Variants in MAP3K21 observed in about 807,000 individuals in gnomAD.
MAP3K21 encodes the protein mitogen-activated protein kinase kinase kinase MLK4.
Under a neutral mutation model 86.1 loss-of-function variants are expected in MAP3K21, and 63 were observed. The ratio of observed to expected loss-of-function variants is 0.73; its 90% CI spans 0.60 to 0.90. The LOEUF (loss-of-function observed/expected upper bound fraction) is 0.90, where lower values mean the gene tolerates loss of function less well. Ranked by LOEUF, MAP3K21 falls within the 40% of genes least tolerant of loss-of-function variation. The pLI, the probability that MAP3K21 is intolerant of heterozygous loss-of-function variation, is 0.00. For synonymous variants in MAP3K21, 558 were observed against 564.8 expected (o/e 0.99, Z 0.17); for missense variants, 1,220 against 1,367.7 (o/e 0.89, Z 1.70).
intron 1 of MAP3K21, among the ~76,000 whole-genome samples, chr1:233,337,079 C>T (rs1030576028): frequency 2.6e-5 from 4 of 152,096 alleles, no homozygotes; most frequent in Admixed American, 6.6e-5. Context: ...AATAGGGTGA[C>T]GTGAGGATTA....
chr1:233,341,251 C>T (rs1319356894), intron 1 of MAP3K21, among the ~76,000 whole-genome samples: 3 of 152,162 alleles, frequency 2.0e-5, no homozygotes, highest in East Asian at 1.9e-4. Context: ...GTTCTTCCTG[C>T]GTGAATGACA....
At chr1:233,335,490 A>G (rs1216524738) in intron 1 of MAP3K21, among the ~76,000 whole-genome samples, 2 of 152,114 alleles carry the variant, frequency 1.3e-5, no homozygotes, top group African/African-American at 4.8e-5. Flanking sequence ...ATTTGTCACT[A>G]CAACCTTTTG....
In MAP3K21 at chr1:233,384,567, T is replaced by C. The variant is rs981038684; in HGVS notation, c.*1856T>C. On this transcript the variant is annotated 3_prime_UTR_variant, in exon 10 of 10. Transcript: ENST00000366624. ...GAACACGTAGCTTCCAGCTTAAGGG[T>C]AGAGAAATATATACCTAAAATCATC... 3.6e-5 allele frequency: 3 copies of C among 83,690 alleles called. No homozygotes were observed. Among genetic ancestry groups the C allele is most frequent in the African/African-American group, 1.9e-4 (3 of 15,950 alleles). The allele number at this position is 83,690 out of a possible 1,614,324, so 5.2% of individuals were successfully genotyped here.
intron 1 of MAP3K21, among the ~76,000 whole-genome samples, chr1:233,333,886 C>T (rs1417843744): frequency 3.9e-5 from 6 of 152,138 alleles, no homozygotes; most frequent in Non-Finnish European, 7.3e-5. Flanking sequence ...TTTTTTGAGA[C>T]GGAGTCTCGC....
chr1:233,346,575 C>T lies in MAP3K21; in HGVS notation c.939C>T (p.Pro313=), dbSNP rs1294798585. ...CAGGCACCTATGCCTGGATGGCCCC[C>T]GAAGTGATCAAGTCTTCCTTGTTTT... ...STAGTYAWMA[P]EVIKSSLFSK... Residue 313 remains proline (P), a synonymous_variant, in exon 2 of 10, where the codon CCC becomes CCT. Transcript: ENST00000366624. 4.3e-6 allele frequency: 7 copies of T among 1,613,772 alleles called. No homozygotes were observed. The highest frequency in any genetic ancestry group is 2.2e-5 in the South Asian group (2 of 91,062).
intron 1 of MAP3K21, among the ~76,000 whole-genome samples, chr1:233,333,273 G>A (rs1662846240): frequency 6.6e-6 from 1 of 152,132 alleles, no homozygotes; most frequent in Non-Finnish European, 1.5e-5. Context: ...GTAGCTTCAT[G>A]CTATAGCTGC....
chr1:233,359,674 A>G (rs1352443861), intron 4 of MAP3K21, among the ~76,000 whole-genome samples: 1 of 152,140 alleles, frequency 6.6e-6, no homozygotes, highest in African/African-American at 2.4e-5. Context: ...GTGACCCCCC[A>G]CACAGAGGCA....
At position 233,384,949 on chromosome 1, in the gene MAP3K21, GTTAT is replaced by G. The variant is rs548918470; in HGVS notation, c.*2245_*2248del. 6 of 152,232 alleles carry G rather than the reference GTTAT, an allele frequency of 3.9e-5. No individual in the cohort carries two copies. In the East Asian group the frequency reaches 1.2e-3, roughly 29 times the overall value. The allele number at this position is 152,232 out of a possible 1,614,324, so 9.4% of individuals were successfully genotyped here. On this transcript the variant is annotated 3_prime_UTR_variant, in exon 10 of 10. Transcript: ENST00000366624. ...GTGTTAGTAAACTTAGCAGAATCTG[GTTAT>G]TTATTTTTGTGTAGGCTTAATGTTC...
chr1:233,361,749 A>C lies in MAP3K21; in HGVS notation c.1312-304A>C, dbSNP rs529199044. ...AAATGTGAAAAACCAAGTGTAGAAAATTTATGATGCCTCTTTTAGGATCAT... is the reference window on the plus strand; with the variant it reads ...AAATGTGAAAAACCAAGTGTAGAAACTTTATGATGCCTCTTTTAGGATCAT... On this transcript the variant is annotated intron_variant, in intron 4 of 9. Coordinates refer to ENST00000366624, the MANE Select transcript of MAP3K21 (RefSeq NM_032435.3). Among the ~76,000 whole-genome samples, 51 of 152,262 alleles carry C rather than the reference A, an allele frequency of 3.3e-4. No individual in the cohort carries two copies. In the Middle Eastern group the frequency reaches 0.017, roughly 51 times the overall value.
At chr1:233,364,693 G>A (rs1663540055) in intron 5 of MAP3K21, among the ~76,000 whole-genome samples, 1 of 151,978 alleles carries the variant, frequency 6.6e-6, no homozygotes, top group South Asian at 2.1e-4. Flanking sequence ...TTTAATTCCT[G>A]TATTGTATTA....
intron 2 of MAP3K21, among the ~76,000 whole-genome samples, chr1:233,347,095 A>C (rs374075173): frequency 6.6e-6 from 1 of 151,902 alleles, no homozygotes; most frequent in Non-Finnish European, 1.5e-5. Context: ...AGTGTCCACT[A>C]TGTTTCCCAG....
intron 9 of MAP3K21, among the ~76,000 whole-genome samples, chr1:233,380,524 A>T: frequency 6.6e-6 from 1 of 152,128 alleles, no homozygotes; most frequent in East Asian, 1.9e-4. Context: ...GACACAGTTC[A>T]CCCCATGACA....
chr1:233,372,257 T>G (rs761141571), intron 6 of MAP3K21, 97 bp downstream of exon 6: 6 of 1,416,266 alleles, frequency 4.2e-6, no homozygotes, highest in Non-Finnish European at 5.9e-6. Context: ...CATAGCAGGT[T>G]GTAGATGAGT....
At chr1:233,372,016 T>C in intron 5 of MAP3K21, 22 bp from the exon 6 acceptor site, 1 of 1,606,330 alleles carries the variant, frequency 6.2e-7, no homozygotes, top group African/African-American at 1.3e-5. Context: ...AAATACCAGT[T>C]CTCCCTTTTT....
chr1:233,378,952 T>C lies in MAP3K21; in HGVS notation c.1946T>C (p.Leu649Pro). Residue 649 changes from leucine to proline, a missense_variant, in exon 9 of 10, where the codon CTT (leucine) becomes CCT (proline). By Grantham distance (98) the Leu-to-Pro change is moderately conservative (BLOSUM62 -3). Transcript: ENST00000366624. Reference sequence around the variant, plus strand: ...TTAGGGTCCTGTGAAGAGCCAAAACTTTCCCCTGATGGATTAGAACACAGA... The same window carrying C: ...TTAGGGTCCTGTGAAGAGCCAAAACCTTCCCCTGATGGATTAGAACACAGA... ...DQPGSCEEPK[L>P]SPDGLEHRKP... 1 of 1,612,438 alleles carries C rather than the reference T, an allele frequency of 6.2e-7. No individual in the cohort carries two copies. The highest frequency in any genetic ancestry group is 8.5e-7 in the Non-Finnish European group (1 of 1,179,058).
In MAP3K21 at chr1:233,382,936, G is replaced by A. The variant is rs1294236; in HGVS notation, c.*225G>A. The A allele has an allele frequency of 0.41, 190,952 of 461,984 alleles. 40,184 individuals carry two copies. Among genetic ancestry groups the A allele is most frequent in the African/African-American group, 0.51 (26,323 of 51,374 alleles). The allele number at this position is 461,984 out of a possible 1,614,324, so 28.6% of individuals were successfully genotyped here. A position where few individuals can be genotyped will look rare whatever the true frequency, so the allele number is the denominator to read the frequency against. The stretch of plus-strand genomic sequence containing the variant: ...CTTATAACTTGGAATACACAAAAGT[G>A]TAAAACAAGAGATGTGCACCAATGA... On this transcript the variant is annotated 3_prime_UTR_variant, in exon 10 of 10. Transcript: ENST00000366624.
At chr1:233,377,994 G>A (rs939772074) in intron 8 of MAP3K21, among the ~76,000 whole-genome samples, 5 of 152,170 alleles carry the variant, frequency 3.3e-5, no homozygotes, top group African/African-American at 1.2e-4. Context: ...GGTAATGTGA[G>A]CAATGGGCAC....
At chr1:233,362,021 A>G in intron 4 of MAP3K21, 32 bp from the exon 5 acceptor site, 1 of 1,602,692 alleles carries the variant, frequency 6.2e-7, no homozygotes. Flanking sequence ...CCTGCTGGGA[A>G]TGATTCCGGT....
intron 6 of MAP3K21, among the ~76,000 whole-genome samples, chr1:233,375,337 G>A (rs1056332907): frequency 6.6e-6 from 1 of 152,114 alleles, no homozygotes; most frequent in African/African-American, 2.4e-5. Context: ...GTCCTGTGAG[G>A]TAGTGAAAAA....
Sources: allele counts gnomAD v4.1 joint callset (sites outside exome capture counted in the v4.1 genomes callset), GRCh38; gene constraint gnomAD v4.1.1; transcripts MANE v1.5; gene names NCBI Gene and HGNC (gene_info 2026-07-23, HGNC 2026-07-21).